The following KCNIP1 variants were observed in gnomAD, a reference collection of about 807,000 sequenced individuals.
KCNIP1 encodes the protein A-type potassium channel modulatory protein KCNIP1.
Under a neutral mutation model 33.0 loss-of-function variants are expected in KCNIP1, and 18 were observed. That is an observed-to-expected ratio of 0.55 (90% confidence interval 0.38 to 0.81). KCNIP1 has a LOEUF of 0.81. KCNIP1 is among the 30% of genes least tolerant of loss of function. The pLI is 0.00. For missense variants in KCNIP1, 238 were observed against 271.6 expected (o/e 0.88, Z 0.87); for synonymous variants, 93 against 98.3 (o/e 0.95, Z 0.32).
intron 1 of KCNIP1, among the ~76,000 whole-genome samples, chr5:170,580,311 C>T (rs1304264751): frequency 1.3e-5 from 2 of 152,206 alleles, no homozygotes; most frequent in African/African-American, 4.8e-5. Context: ...TCTAGGAAGA[C>T]AAGGTGGTAA....
At chr5:170,453,391 GC>G (rs1389252659) in intron 1 of KCNIP1, among the ~76,000 whole-genome samples, 1 of 152,180 alleles carries the variant, frequency 6.6e-6, no homozygotes, top group African/African-American at 2.4e-5. Context: ...ACATATTGCA[GC>G]CACCATACCA....
At chr5:170,610,641 C>A (rs1465726292) in intron 1 of KCNIP1, among the ~76,000 whole-genome samples, 1 of 152,228 alleles carries the variant, frequency 6.6e-6, no homozygotes, top group Non-Finnish European at 1.5e-5. Flanking sequence ...CTCCCTCTGC[C>A]TCAGTTTCTT....
intron 1 of KCNIP1, among the ~76,000 whole-genome samples, chr5:170,359,225 C>T (rs1763436298): frequency 6.6e-6 from 1 of 152,200 alleles, no homozygotes; most frequent in Non-Finnish European, 1.5e-5. Context: ...TCCCCCATGG[C>T]TCTCCCTTCT....
chr5:170,583,594 T>C (rs887489721), intron 1 of KCNIP1, among the ~76,000 whole-genome samples: 2 of 152,228 alleles, frequency 1.3e-5, no homozygotes, highest in Admixed American at 6.5e-5. Flanking sequence ...GCCTGCCTCT[T>C]CATTTGTTCT....
chr5:170,417,903 T>C (rs1755373354), intron 1 of KCNIP1, among the ~76,000 whole-genome samples: 1 of 152,222 alleles, frequency 6.6e-6, no homozygotes. Context: ...TACCCAGTCT[T>C]GCCCACTAGA....
chr5:170,539,967 C>A (rs1756135749), intron 1 of KCNIP1, among the ~76,000 whole-genome samples: 1 of 152,122 alleles, frequency 6.6e-6, no homozygotes. Context: ...CATGCCCACA[C>A]TGAAATGAGA....
chr5:170,576,186 T>C (rs1757598079), intron 1 of KCNIP1, among the ~76,000 whole-genome samples: 1 of 152,210 alleles, frequency 6.6e-6, no homozygotes, highest in Non-Finnish European at 1.5e-5. Context: ...AGTTGAAAGC[T>C]ATAAGCAGGG....
intron 1 of KCNIP1, among the ~76,000 whole-genome samples, chr5:170,586,431 G>A (rs912198760): frequency 1.1e-4 from 17 of 152,176 alleles, no homozygotes; most frequent in African/African-American, 3.9e-4. Flanking sequence ...AAGCCCTCAT[G>A]GGTCTTAGAA....
At chr5:170,698,306 T>G (rs371137461) in intron 1 of KCNIP1, among the ~76,000 whole-genome samples, 46 of 152,296 alleles carry the variant, frequency 3.0e-4, no homozygotes, top group African/African-American at 1.0e-3. Context: ...AGGTATCAAG[T>G]GGCAAAGTTG....
At chr5:170,366,495 G>T (rs1168424320) in intron 1 of KCNIP1, among the ~76,000 whole-genome samples, 1 of 152,194 alleles carries the variant, frequency 6.6e-6, no homozygotes, top group East Asian at 1.9e-4. Context: ...GGGCACATGA[G>T]GTAAAAAGAC....
intron 1 of KCNIP1, among the ~76,000 whole-genome samples, chr5:170,479,802 T>C (rs1361009894): frequency 6.6e-6 from 1 of 152,228 alleles, no homozygotes; most frequent in African/African-American, 2.4e-5. Context: ...TGATTCATAT[T>C]TGTGCTTTGT....
At chr5:170,440,326 T>C (rs1231430755) in intron 1 of KCNIP1, among the ~76,000 whole-genome samples, 2 of 152,182 alleles carry the variant, frequency 1.3e-5, no homozygotes, top group African/African-American at 2.4e-5. Context: ...CCCAGATACC[T>C]AAACAGAAAA....
At chr5:170,646,920 A>C (rs912057292) in intron 1 of KCNIP1, among the ~76,000 whole-genome samples, 4 of 152,210 alleles carry the variant, frequency 2.6e-5, no homozygotes, top group Non-Finnish European at 5.9e-5. Flanking sequence ...TTAATATACA[A>C]AAGTCGATCA....
chr5:170,462,089 C>T (rs1756514476), intron 1 of KCNIP1, among the ~76,000 whole-genome samples: 1 of 151,856 alleles, frequency 6.6e-6, no homozygotes, highest in South Asian at 2.1e-4. Flanking sequence ...AAAGCAAATG[C>T]AATAAAAACA....
chr5:170,479,043 G>T (rs2113158471), intron 1 of KCNIP1, among the ~76,000 whole-genome samples: 1 of 152,334 alleles, frequency 6.6e-6, no homozygotes, highest in African/African-American at 2.4e-5. Flanking sequence ...ATCCACAAAT[G>T]TGTAGTGTCA....
chr5:170,424,189 CG>C (rs1321744128), intron 1 of KCNIP1, among the ~76,000 whole-genome samples: 1 of 152,082 alleles, frequency 6.6e-6, no homozygotes, highest in Non-Finnish European at 1.5e-5. Flanking sequence ...TACCCAAGTG[CG>C]GGGTAGCAGG....
intron 1 of KCNIP1, among the ~76,000 whole-genome samples, chr5:170,357,266 C>T (rs929406701): frequency 5.3e-5 from 8 of 152,178 alleles, no homozygotes; most frequent in African/African-American, 1.7e-4. Context: ...ATTTAGTTTC[C>T]TCATCTATAA....
intron 1 of KCNIP1, among the ~76,000 whole-genome samples, chr5:170,481,666 T>C (rs1250014864): frequency 2.0e-5 from 3 of 152,198 alleles, no homozygotes; most frequent in African/African-American, 7.2e-5. Context: ...CAATCCTTGG[T>C]CACTCAATTG....
At chr5:170,443,959 G>C (rs1205557775) in intron 1 of KCNIP1, among the ~76,000 whole-genome samples, 1 of 152,238 alleles carries the variant, frequency 6.6e-6, no homozygotes, top group Non-Finnish European at 1.5e-5. Flanking sequence ...GACCTCCCAG[G>C]TGGGTGTAAA....
Sources: allele counts gnomAD v4.1 joint callset (sites outside exome capture counted in the v4.1 genomes callset), GRCh38; gene constraint gnomAD v4.1.1; transcripts MANE v1.5; gene names NCBI Gene and HGNC (gene_info 2026-07-23, HGNC 2026-07-21).